Variants in RFX3 observed in about 807,000 individuals in gnomAD.
The protein encoded by RFX3 is regulatory factor X3, also known as transcription factor RFX3.
RFX3 carries 14 observed loss-of-function variants against 98.6 expected under a neutral mutation model. The ratio of observed to expected loss-of-function variants is 0.14; its 90% CI spans 0.09 to 0.22. The LOEUF (loss-of-function observed/expected upper bound fraction) is 0.22. Ranked by LOEUF, RFX3 falls within the 10% of genes least tolerant of loss-of-function variation. RFX3 has a pLI of 1.00. For synonymous variants in RFX3, 383 were observed against 328.4 expected, an observed-to-expected ratio of 1.17 and a Z score of -1.80; for missense variants, 639 against 926.9, an observed-to-expected ratio of 0.69 and a Z score of 4.03.
At chr9:3,317,107 G>C (rs1830706625) in intron 4 of RFX3, among the ~76,000 whole-genome samples, 1 of 152,120 alleles carries the variant, frequency 6.6e-6, no homozygotes, top group Non-Finnish European at 1.5e-5. Context: ...CATGCTACCT[G>C]ACTTCAAACT....
intron 14 of RFX3, among the ~76,000 whole-genome samples, chr9:3,249,742 T>C (rs1321223929): frequency 1.3e-5 from 2 of 152,108 alleles, no homozygotes; most frequent in Admixed American, 1.3e-4. Context: ...ATTGTGATCA[T>C]ATAATTTTTT....
intron 1 of RFX3, among the ~76,000 whole-genome samples, chr9:3,482,487 T>C (rs982730039): frequency 6.6e-6 from 1 of 152,222 alleles, no homozygotes; most frequent in Non-Finnish European, 1.5e-5. Flanking sequence ...ATATATAAAC[T>C]TTTATAATTG....
chr9:3,273,760 G>A (rs891330710), intron 9 of RFX3, among the ~76,000 whole-genome samples: 2 of 151,748 alleles, frequency 1.3e-5, no homozygotes, highest in African/African-American at 2.4e-5. Context: ...AGCTACTGGG[G>A]AGGCTGAGGC....
At chr9:3,357,878 T>C (rs1678733797) in intron 2 of RFX3, among the ~76,000 whole-genome samples, 1 of 152,028 alleles carries the variant, frequency 6.6e-6, no homozygotes, top group Admixed American at 6.6e-5. Context: ...CTATAATATA[T>C]ATTTTAAAAA....
At chr9:3,308,045 C>T (rs571075653) in intron 4 of RFX3, among the ~76,000 whole-genome samples, 2 of 152,020 alleles carry the variant, frequency 1.3e-5, no homozygotes, top group Non-Finnish European at 2.9e-5. Context: ...ACTTACAAAG[C>T]TTTAGGCTAT....
intron 1 of RFX3, among the ~76,000 whole-genome samples, chr9:3,521,939 G>A (rs1818758048): frequency 6.6e-6 from 1 of 151,950 alleles, no homozygotes; most frequent in African/African-American, 2.4e-5. Flanking sequence ...GAATTGATAA[G>A]TGTTTTGTGA....
chr9:3,237,902 G>C (rs1351712890), intron 15 of RFX3, among the ~76,000 whole-genome samples: 2 of 151,864 alleles, frequency 1.3e-5, no homozygotes, highest in Admixed American at 1.3e-4. Flanking sequence ...GAGCCCATGA[G>C]GTCAAGGCTG....
At chr9:3,459,682 T>C (rs1465020308) in intron 1 of RFX3, among the ~76,000 whole-genome samples, 1 of 152,170 alleles carries the variant, frequency 6.6e-6, no homozygotes, top group Non-Finnish European at 1.5e-5. Context: ...CTTCCCTTTT[T>C]GTTCTGTGCT....
intron 4 of RFX3, among the ~76,000 whole-genome samples, chr9:3,322,566 C>T (rs1473893515): frequency 6.6e-6 from 1 of 151,988 alleles, no homozygotes; most frequent in Admixed American, 6.6e-5. Flanking sequence ...ACCCTGTCTC[C>T]ACTAAAAATA....
At chr9:3,374,011 G>C (rs980277638) in intron 2 of RFX3, among the ~76,000 whole-genome samples, 7 of 152,116 alleles carry the variant, frequency 4.6e-5, no homozygotes, top group Admixed American at 3.9e-4. Flanking sequence ...CCGAGAGGCA[G>C]AGGTTGCAGT....
At chr9:3,429,233 A>G (rs1844417104) in intron 1 of RFX3, among the ~76,000 whole-genome samples, 2 of 150,840 alleles carry the variant, frequency 1.3e-5, no homozygotes, top group Non-Finnish European at 3.0e-5. Flanking sequence ...CGTGTTAGCC[A>G]AGATGGTCTC....
In RFX3 at chr9:3,439,036, A is replaced by G. The variant is rs184667567; in HGVS notation, c.-8-43440T>C. Among the ~76,000 whole-genome samples the G allele has an allele frequency of 7.0e-4, 106 of 152,122 alleles. 1 individual carries two copies. Among genetic ancestry groups the G allele is most frequent in the South Asian group, 1.2e-3 (6 of 4,834 alleles). ...CAGAAAGGTCTCTAGAATATCCCCA[A>G]ATATTTTGGAGATAAGTATGAAACT... On this transcript the variant is annotated intron_variant, in intron 1 of 16. Coordinates refer to ENST00000617270, the MANE Select transcript of RFX3 (RefSeq NM_001282116.2).
intron 11 of RFX3, among the ~76,000 whole-genome samples, chr9:3,266,954 T>C (rs1823723994): frequency 6.6e-6 from 1 of 152,056 alleles, no homozygotes; most frequent in Non-Finnish European, 1.5e-5. Flanking sequence ...AAGATACTCC[T>C]AAAATAGCTC....
At chr9:3,333,435 G>T (rs1252793194) in intron 3 of RFX3, among the ~76,000 whole-genome samples, 84 of 109,384 alleles carry the variant, frequency 7.7e-4, no homozygotes, top group Non-Finnish European at 1.3e-3. Flanking sequence ...CATAGAAAAT[G>T]TTTTTTTTTT....
chr9:3,495,234 T>C (rs1851020048), intron 1 of RFX3, among the ~76,000 whole-genome samples: 1 of 151,944 alleles, frequency 6.6e-6, no homozygotes, highest in South Asian at 2.1e-4. Context: ...AAATTCTATG[T>C]AGCAAGAAAA....
chr9:3,524,826 A>AAC (rs1564205233), intron 1 of RFX3, among the ~76,000 whole-genome samples: 1 of 68,120 alleles, frequency 1.5e-5, no homozygotes, highest in Non-Finnish European at 2.9e-5. Context: ...TTAAATCACA[A>AAC]GCACACACAC....
chr9:3,439,820 G>GA (rs1218156261), intron 1 of RFX3, among the ~76,000 whole-genome samples: 2 of 151,836 alleles, frequency 1.3e-5, no homozygotes, highest in African/African-American at 4.8e-5. Flanking sequence ...GATATTACAA[G>GA]AAAAGGAAAC....
chr9:3,429,993 C>T (rs1844499537), intron 1 of RFX3, among the ~76,000 whole-genome samples: 1 of 152,140 alleles, frequency 6.6e-6, no homozygotes, highest in Non-Finnish European at 1.5e-5. Flanking sequence ...ACTTAGGTTA[C>T]CAGGTTCACT....
At chr9:3,400,172 A>C (rs1316937605) in intron 1 of RFX3, 1 of 869,622 alleles carries the variant, frequency 1.1e-6, no homozygotes, top group Non-Finnish European at 1.4e-6. Flanking sequence ...ATGTTACATC[A>C]CTTACCGAAG....
Sources: allele counts gnomAD v4.1 joint callset (sites outside exome capture counted in the v4.1 genomes callset), GRCh38; gene constraint gnomAD v4.1.1; transcripts MANE v1.5; gene names NCBI Gene and HGNC (gene_info 2026-07-23, HGNC 2026-07-21).